The following AP2B1 variants were observed in gnomAD, a reference collection of about 807,000 sequenced individuals.
The protein encoded by AP2B1 is AP-2 complex subunit beta.
In AP2B1, 23 loss-of-function variants were observed where a neutral mutation model predicts 102.0. The observed-to-expected ratio is 0.23, with a 90% confidence interval of 0.16 to 0.32. The LOEUF is 0.32. AP2B1 is among the 10% of genes least tolerant of loss of function. The pLI, the probability that AP2B1 is intolerant of heterozygous loss-of-function variation, is 1.00. For missense variants in AP2B1, 541 were observed against 1,157.4 expected, an observed-to-expected ratio of 0.47 and a Z score of 7.73; for synonymous variants, 381 against 421.2, an observed-to-expected ratio of 0.90 and a Z score of 1.17.
rs111540406 is a variant in AP2B1, at chr17:35,600,903, G to C, written c.143+2568G>C. The C allele has an allele frequency of 4.5e-6, 3 of 667,162 alleles. No individual in the cohort carries two copies. In the South Asian group the frequency reaches 2.0e-4, roughly 45 times the overall value. 41.3% of individuals were successfully genotyped at this position (667,162 alleles called of 1,614,324 possible). On this transcript the variant is annotated intron_variant, in intron 3 of 21. Coordinates refer to ENST00000610402, the MANE Select transcript of AP2B1 (RefSeq NM_001030006.2). Reference sequence around the variant, plus strand: ...GGGGAGCCCAGATAGAAATGGCAGCGTAGGAAATGACTCTGTATCTTCTCT... The same window carrying C: ...GGGGAGCCCAGATAGAAATGGCAGCCTAGGAAATGACTCTGTATCTTCTCT...
chr17:35,678,008 C>T (rs764628271), intron 17 of AP2B1, among the ~76,000 whole-genome samples: 2 of 151,728 alleles, frequency 1.3e-5, no homozygotes, highest in Non-Finnish European at 2.9e-5. Flanking sequence ...TAGAGGCACC[C>T]GCCACCATGC....
Position 35,717,196 on chromosome 17 carries a change from C to T in AP2B1, c.2628C>T (p.Asp876=), listed in dbSNP as rs1555590373. 6.2e-7 allele frequency: 1 copy of T among 1,613,588 alleles called. No homozygotes were observed. Among genetic ancestry groups the T allele is most frequent in the Non-Finnish European group, 8.5e-7 (1 of 1,179,728 alleles). ...FQIKECHLNA[D]TVSSKLQNNN... is the part of the protein sequence containing the mutation. ...TGGATTTTGAATCTGTATTTCTAGA[C>T]ACTGTTTCCAGCAAGTTGCAAAACA... Residue 876 remains aspartate (D), a splice_region_variant and synonymous_variant, in exon 21 of 22, where the codon GAC becomes GAT. Coordinates refer to ENST00000610402, the MANE Select transcript of AP2B1 (RefSeq NM_001030006.2).
chr17:35,588,915 C>G (rs2072992976), intron 1 of AP2B1, among the ~76,000 whole-genome samples: 1 of 152,196 alleles, frequency 6.6e-6, no homozygotes, highest in Non-Finnish European at 1.5e-5. Flanking sequence ...CTTAAAAGAT[C>G]CATATTTTGA....
chr17:35,613,933 T>G (rs983812377), intron 5 of AP2B1, among the ~76,000 whole-genome samples: 4 of 150,332 alleles, frequency 2.7e-5, no homozygotes, highest in African/African-American at 7.3e-5. Context: ...GCTTTTGTGG[T>G]TTTTTTTACA....
Position 35,722,394 on chromosome 17 carries a change from G to A in AP2B1, c.2782-1231G>A, listed in dbSNP as rs1013341121. Among the ~76,000 whole-genome samples the A allele has an allele frequency of 2.6e-5, 4 of 152,102 alleles. No homozygotes were observed. The East Asian group carries it at 5.8e-4, about 22-fold the overall frequency. ...GGTTTTTTTTACATTTATCAGAATT[G>A]TCTTCCTGACTAATACCAAGCAGCA... On this transcript the variant is annotated intron_variant, in intron 21 of 21. Coordinates refer to ENST00000610402, the MANE Select transcript of AP2B1 (RefSeq NM_001030006.2).
rs1232350606 is a variant in AP2B1 at position 35,717,306 on chromosome 17, T to C, written c.2738T>C (p.Ile913Thr). 1.9e-6 allele frequency: 3 copies of C among 1,614,042 alleles called. No homozygotes were observed. Among genetic ancestry groups the C allele is most frequent in the Non-Finnish European group, 2.5e-6 (3 of 1,180,004 alleles). Reference sequence around the variant, plus strand: ...CTGAAGCTCACTAATGGCATTTGGATTTTGGCCGAACTACGTATCCAGCCA... The same window carrying C: ...CTGAAGCTCACTAATGGCATTTGGACTTTGGCCGAACTACGTATCCAGCCA... ...QSLKLTNGIW[I>T]LAELRIQPGN... The change falls in exon 21 of 22, where the codon ATT becomes ACT. Residue 913 changes from isoleucine to threonine, a missense_variant. Transcript: ENST00000610402.
chr17:35,723,297 A>G (rs887771836), intron 21 of AP2B1, among the ~76,000 whole-genome samples: 3 of 152,186 alleles, frequency 2.0e-5, no homozygotes, highest in Non-Finnish European at 2.9e-5. Context: ...TTCCCTTTTC[A>G]TTTAATAATA....
chr17:35,598,759 C>T (rs2073377147), intron 3 of AP2B1, among the ~76,000 whole-genome samples: 1 of 152,188 alleles, frequency 6.6e-6, no homozygotes, highest in African/African-American at 2.4e-5. Context: ...AGATGAAAAT[C>T]AATGTTAACC....
At chr17:35,621,733 CAG>C (rs1201093982) in intron 5 of AP2B1, among the ~76,000 whole-genome samples, 1 of 152,194 alleles carries the variant, frequency 6.6e-6, no homozygotes, top group African/African-American at 2.4e-5. Flanking sequence ...CCTATAATAA[CAG>C]AGGATTTCTA....
chr17:35,666,418 A>G (rs2075466571), intron 14 of AP2B1, among the ~76,000 whole-genome samples: 1 of 152,206 alleles, frequency 6.6e-6, no homozygotes, highest in African/African-American at 2.4e-5. Flanking sequence ...GGGGGACTAC[A>G]CCACTAGCAG....
At chr17:35,614,712 G>A (rs1428449178) in intron 5 of AP2B1, among the ~76,000 whole-genome samples, 2 of 145,326 alleles carry the variant, frequency 1.4e-5, no homozygotes, top group African/African-American at 5.1e-5. Flanking sequence ...TTCTGCATAA[G>A]CAGCATGCTC....
At chr17:35,720,573 A>ATATATATT (rs1324333805) in intron 21 of AP2B1, among the ~76,000 whole-genome samples, 40 of 28,042 alleles carry the variant, frequency 1.4e-3, no homozygotes, top group Non-Finnish European at 2.0e-3. Context: ...ATATATATAT[A>ATATATATT]TTTTTTTTTT....
intron 21 of AP2B1, among the ~76,000 whole-genome samples, chr17:35,722,677 C>G (rs60179974): frequency 1.3e-5 from 2 of 152,066 alleles, no homozygotes; most frequent in Non-Finnish European, 2.9e-5. Context: ...TAAAATCTCA[C>G]GGTGCTACAT....
At chr17:35,695,259 G>T (rs1385233829) in intron 18 of AP2B1, among the ~76,000 whole-genome samples, 1 of 152,100 alleles carries the variant, frequency 6.6e-6, no homozygotes, top group East Asian at 1.9e-4. Context: ...TCACAGGTGG[G>T]TTATACATTG....
chr17:35,725,394 G>A lies in AP2B1; in HGVS notation c.*1695G>A, dbSNP rs1321612986. 6.6e-6 allele frequency: 1 copy of A among 152,218 alleles called. No individual in the cohort carries two copies. The highest frequency in any genetic ancestry group is 1.5e-5 in the Non-Finnish European group (1 of 68,072). 9.4% of individuals were successfully genotyped at this position (152,218 alleles called of 1,614,324 possible). A position where few individuals can be genotyped will look rare whatever the true frequency, so the allele number is the denominator to read the frequency against. On this transcript the variant is annotated 3_prime_UTR_variant, in exon 22 of 22. Transcript: ENST00000610402. ...GAGACCTAACTCACTGGACTCAGAG[G>A]AGGAATCGTGGAAAACAAGAGCAAA...
chr17:35,701,021 T>C (rs1270125313), intron 18 of AP2B1, among the ~76,000 whole-genome samples: 1 of 152,228 alleles, frequency 6.6e-6, no homozygotes, highest in African/African-American at 2.4e-5. Context: ...TGATCTGCTT[T>C]GGGCATTCTC....
chr17:35,589,012 T>G (rs1434358259), intron 1 of AP2B1, among the ~76,000 whole-genome samples: 1 of 152,234 alleles, frequency 6.6e-6, no homozygotes, highest in Non-Finnish European at 1.5e-5. Context: ...TTGTCCTTTC[T>G]TTCCTTCTAG....
At chr17:35,667,535 G>A (rs1386706111) in intron 14 of AP2B1, among the ~76,000 whole-genome samples, 1 of 152,004 alleles carries the variant, frequency 6.6e-6, no homozygotes, top group African/African-American at 2.4e-5. Context: ...AAGCACTGGG[G>A]GACAGTACTT....
At chr17:35,612,307 G>A (rs149347240) in intron 5 of AP2B1, among the ~76,000 whole-genome samples, 4 of 152,208 alleles carry the variant, frequency 2.6e-5, no homozygotes, top group African/African-American at 9.6e-5. Context: ...TTTTGTGCCT[G>A]GAGTGCCTCA....
Sources: gnomAD v4.1 joint callset for allele counts (sites outside exome capture counted in the v4.1 genomes callset) on GRCh38, gnomAD v4.1.1 for gene constraint, MANE v1.5 for transcripts, NCBI Gene and HGNC (gene_info 2026-07-23, HGNC 2026-07-21) for gene names.